The following LMNB1 variants were observed in gnomAD, a reference collection of about 807,000 sequenced individuals.
LMNB1 encodes lamin B1.
LMNB1 carries 23 observed loss-of-function variants against 67.1 expected under a neutral mutation model. The ratio of observed to expected loss-of-function variants is 0.34; its 90% CI spans 0.25 to 0.49. The LOEUF (loss-of-function observed/expected upper bound fraction) is 0.49, where lower values mean the gene tolerates loss of function less well. Ranked by LOEUF, LMNB1 falls within the 20% of genes least tolerant of loss-of-function variation. The pLI, the probability that LMNB1 is intolerant of heterozygous loss-of-function variation, is 0.99. For synonymous variants in LMNB1, 281 were observed against 282.9 expected (o/e 0.99, Z 0.07); for missense variants, 634 against 746.5 (o/e 0.85, Z 1.76).
intron 3 of LMNB1, among the ~76,000 whole-genome samples, chr5:126,806,913 G>T (rs1382171346): frequency 2.6e-5 from 4 of 152,120 alleles, no homozygotes; most frequent in African/African-American, 9.7e-5. Context: ...TAGTAGCTGG[G>T]ACTACAGGCG....
Position 126,799,073 on chromosome 5 carries a change from A to C in LMNB1, c.360-5703A>C, listed in dbSNP as rs1751192925. 8.2e-5 allele frequency among the ~76,000 whole-genome samples: 12 copies of C among 146,378 alleles called. No individual in the cohort carries two copies. In the Admixed American group the frequency reaches 8.4e-4, roughly 10 times the overall value. On this transcript the variant is annotated intron_variant, in intron 1 of 10. Transcript: ENST00000261366. The stretch of plus-strand genomic sequence containing the variant: ...CTCGCTGTCGCCCAGGCTGGAGTGC[A>C]GTGGCGCAATCTCGGCTCACTGCAG...
At chr5:126,830,195 C>A (rs1045741932) in intron 9 of LMNB1, among the ~76,000 whole-genome samples, 1 of 152,196 alleles carries the variant, frequency 6.6e-6, no homozygotes, top group African/African-American at 2.4e-5. Flanking sequence ...GAGCACAGAG[C>A]TGTGCAGTGA....
In LMNB1 at chr5:126,810,266, G is replaced by A. The variant is rs147777431; in HGVS notation, c.729G>A (p.Ala243=). 2.6e-5 allele frequency: 42 copies of A among 1,613,958 alleles called. No homozygotes were observed. Among genetic ancestry groups the A allele is most frequent in the Middle Eastern group, 3.3e-4 (2 of 6,062 alleles). Residue 243 remains alanine (A), a synonymous_variant, in exon 4 of 11, where the codon GCG becomes GCA. Transcript: ENST00000261366. ...GRQIEYEYKL[A]QALHEMREQH... ...AAATTGAGTATGAGTACAAGCTGGCGCAAGCCCTTCATGAGATGAGAGAGC... is the reference window on the plus strand; with the variant it reads ...AAATTGAGTATGAGTACAAGCTGGCACAAGCCCTTCATGAGATGAGAGAGC...
chr5:126,785,462 TTTTTTCTTTTTC>T lies in LMNB1; in HGVS notation c.359+7607_359+7618del, dbSNP rs1561734457. The stretch of plus-strand genomic sequence containing the variant: ...ACACGCCACCACGTCGGCTAATTTT[TTTTTTCTTTTTC>T]TTTTTCTTTTTTTTTTTTTGTATTT... On this transcript the variant is annotated intron_variant, in intron 1 of 10. Transcript: ENST00000261366. Among the ~76,000 whole-genome samples, 3 of 150,454 alleles carry T rather than the reference TTTTTTCTTTTTC, an allele frequency of 2.0e-5. No homozygotes were observed. The East Asian group carries it at 5.8e-4, about 29-fold the overall frequency.
rs1461337543 is a variant in LMNB1, at chr5:126,777,618, G to A, written c.110G>A (p.Arg37His). The A allele has an allele frequency of 3.9e-6, 6 of 1,540,596 alleles. No homozygotes were observed. Among genetic ancestry groups the A allele is most frequent in the Non-Finnish European group, 5.2e-6 (6 of 1,143,218 alleles). The change falls in exon 1 of 11, where the codon CGC (arginine) becomes CAC (histidine). Residue 37 changes from arginine (R) to histidine (H), a missense_variant. Arg to His is a conservative substitution (Grantham distance 29). Transcript: ENST00000261366. ...CGGCTCCAGGAGAAGGAGGAGCTGC[G>A]CGAGCTCAATGACCGGCTGGCGGTG... ...LSRLQEKEEL[R>H]ELNDRLAVYI...
In LMNB1 at chr5:126,806,816, C is replaced by T. The variant is rs572864758; in HGVS notation, c.642+1120C>T. Among the ~76,000 whole-genome samples the T allele has an allele frequency of 4.6e-5, 7 of 151,596 alleles. No homozygotes were observed. The South Asian group carries it at 1.5e-3, about 32-fold the overall frequency. ...TTTTGAGACACGAGACCCGCTCTGT[C>T]GCCCAGGCTGGAATGCAGTGGCATG... On this transcript the variant is annotated intron_variant, in intron 3 of 10. Coordinates refer to ENST00000261366, the MANE Select transcript of LMNB1 (RefSeq NM_005573.4).
Position 126,781,624 on chromosome 5 carries a change from C to T in LMNB1, c.359+3757C>T, listed in dbSNP as rs376985680. 6.6e-4 allele frequency among the ~76,000 whole-genome samples: 100 copies of T among 152,078 alleles called. 1 individual carries two copies. Among genetic ancestry groups the T allele is most frequent in the African/African-American group, 2.2e-3 (92 of 41,492 alleles). ...GCTAATTTTGTATTTTTAGTAGAGA[C>T]GGGGTTTCACCGTGTTGGCCAGGCT... On this transcript the variant is annotated intron_variant, in intron 1 of 10. Coordinates refer to ENST00000261366, the MANE Select transcript of LMNB1 (RefSeq NM_005573.4).
At chr5:126,826,176 A>C (rs1228951433) in intron 9 of LMNB1, 69 bp downstream of exon 9, 1 of 1,523,926 alleles carries the variant, frequency 6.6e-7, no homozygotes, top group African/African-American at 1.4e-5. Flanking sequence ...AGTATAATCA[A>C]GATCAGATTG....
chr5:126,826,684 A>G (rs896316764), intron 9 of LMNB1, among the ~76,000 whole-genome samples: 45 of 152,118 alleles, frequency 3.0e-4, no homozygotes, highest in African/African-American at 1.1e-3. Flanking sequence ...ATATACCCCT[A>G]CCAATACTAG....
chr5:126,827,315 G>T lies in LMNB1; in HGVS notation c.1611+1208G>T, dbSNP rs545096946. Among the ~76,000 whole-genome samples, 4 of 152,260 alleles carry T rather than the reference G, an allele frequency of 2.6e-5. No homozygotes were observed. In the South Asian group the frequency reaches 8.3e-4, roughly 32 times the overall value. ...GAGCCCACATTGTAAAGAGAGTAAG[G>T]GAGCCAGGGAATAAGATAAAGTGAT... On this transcript the variant is annotated intron_variant, in intron 9 of 10. Coordinates refer to ENST00000261366, the MANE Select transcript of LMNB1 (RefSeq NM_005573.4).
At chr5:126,783,994 T>C (rs892344052) in intron 1 of LMNB1, among the ~76,000 whole-genome samples, 13 of 151,470 alleles carry the variant, frequency 8.6e-5, no homozygotes, top group Non-Finnish European at 1.5e-4. Flanking sequence ...ATAAGGAGAT[T>C]GTGCTTTGGC....
intron 10 of LMNB1, among the ~76,000 whole-genome samples, chr5:126,834,009 C>T (rs1752192581): frequency 6.6e-6 from 1 of 152,216 alleles, no homozygotes; most frequent in Admixed American, 6.5e-5. Flanking sequence ...TGACTGGGCT[C>T]AGCTGGGCAG....
chr5:126,836,025 A>G (rs1188473128), intron 10 of LMNB1, among the ~76,000 whole-genome samples, 198 bp from the exon 11 acceptor site: 1 of 152,202 alleles, frequency 6.6e-6, no homozygotes, highest in African/African-American at 2.4e-5. Context: ...CAGCCTGGGC[A>G]ACAGAGTGAG....
At chr5:126,819,814 C>A (rs554521697) in intron 6 of LMNB1, among the ~76,000 whole-genome samples, 7 of 151,996 alleles carry the variant, frequency 4.6e-5, no homozygotes, top group South Asian at 4.1e-4. Flanking sequence ...TAAATCTGGT[C>A]AATGTATAAA....
chr5:126,798,535 T>G (rs1208097395), intron 1 of LMNB1, among the ~76,000 whole-genome samples: 1 of 152,200 alleles, frequency 6.6e-6, no homozygotes, highest in Non-Finnish European at 1.5e-5. Context: ...TTAAGAATTT[T>G]TTTTCATGAT....
At chr5:126,800,982 A>ATATATATTTTTTTTTT in intron 1 of LMNB1, among the ~76,000 whole-genome samples, 18 of 18,634 alleles carry the variant, frequency 9.7e-4, no homozygotes, top group Middle Eastern at 0.056. Flanking sequence ...TATATATATA[A>ATATATATTTTTTTTTT]TTTTTTTTTT....
rs141169817 is a variant in LMNB1 at position 126,794,091 on chromosome 5, C to G, written c.360-10685C>G. On this transcript the variant is annotated intron_variant, in intron 1 of 10. Transcript: ENST00000261366. Reference sequence around the variant, plus strand: ...CTGGGATTACAGGCATGAGCCACCACGCCCAGCCAACTTTTGTATTTTTGT... The same window carrying G: ...CTGGGATTACAGGCATGAGCCACCAGGCCCAGCCAACTTTTGTATTTTTGT... Among the ~76,000 whole-genome samples the G allele has an allele frequency of 4.4e-3, 667 of 152,116 alleles. 3 individuals carry two copies. The highest frequency in any genetic ancestry group is 5.2e-3 in the Non-Finnish European group (353 of 68,000).
chr5:126,818,358 C>T (rs1274736619), intron 5 of LMNB1, among the ~76,000 whole-genome samples: 1 of 151,886 alleles, frequency 6.6e-6, no homozygotes, highest in East Asian at 1.9e-4. Context: ...CCTGCCTCAG[C>T]CTCCCAAGTA....
At position 126,820,904 on chromosome 5, in the gene LMNB1, A is replaced by G. The variant is rs765920630; in HGVS notation, c.1161-6A>G. The G allele has an allele frequency of 1.3e-5, 21 of 1,605,052 alleles. No homozygotes were observed. Among genetic ancestry groups the G allele is most frequent in the South Asian group, 8.8e-5 (8 of 90,836 alleles). On this transcript the variant is annotated splice_polypyrimidine_tract_variant and splice_region_variant and intron_variant, in intron 6 of 10. Transcript: ENST00000261366. Reference sequence around the variant, plus strand: ...AAAAATGAATTGTTTTATTTTTCCCATATAGGTTGAAGCTGTCTCCAAGCC... The same window carrying G: ...AAAAATGAATTGTTTTATTTTTCCCGTATAGGTTGAAGCTGTCTCCAAGCC...
Sources: allele counts gnomAD v4.1 joint callset (sites outside exome capture counted in the v4.1 genomes callset), GRCh38; gene constraint gnomAD v4.1.1; transcripts MANE v1.5; gene names NCBI Gene and HGNC (gene_info 2026-07-23, HGNC 2026-07-21).